Variants in GRIP1 observed in about 807,000 individuals in gnomAD.
GRIP1 encodes glutamate receptor-interacting protein 1.
A neutral mutation model predicts 129.9 loss-of-function variants in GRIP1; 45 were observed. The ratio of observed to expected loss-of-function variants is 0.35; its 90% CI spans 0.27 to 0.44. The LOEUF (loss-of-function observed/expected upper bound fraction) is 0.44, where lower values mean the gene tolerates loss of function less well. Among genes scored for constraint, GRIP1 ranks in the 20% least tolerant of loss-of-function variants. The pLI is 1.00. For synonymous variants in GRIP1, 530 were observed against 520.8 expected (o/e 1.02, Z -0.24); for missense variants, 1,196 against 1,396.8 (o/e 0.86, Z 2.29).
At chr12:66,932,439 C>T (rs148062662) in intron 1 of GRIP1, among the ~76,000 whole-genome samples, 1 of 152,258 alleles carries the variant, frequency 6.6e-6, no homozygotes, top group African/African-American at 2.4e-5. Flanking sequence ...CATACACCAG[C>T]TGCTTCAATA....
At chr12:66,460,745 A>G (rs1012057946) in intron 9 of GRIP1, among the ~76,000 whole-genome samples, 1 of 152,232 alleles carries the variant, frequency 6.6e-6, no homozygotes, top group African/African-American at 2.4e-5. Context: ...TTCAGGCATC[A>G]GAGATCTTGA....
intron 7 of GRIP1, among the ~76,000 whole-genome samples, chr12:66,487,923 A>G (rs1036517404): frequency 1.3e-5 from 2 of 152,204 alleles, no homozygotes; most frequent in African/African-American, 2.4e-5. Flanking sequence ...CAACAAGAAG[A>G]GCTAACTATC....
chr12:66,665,154 T>C (rs577438110), intron 1 of GRIP1, among the ~76,000 whole-genome samples: 5 of 152,110 alleles, frequency 3.3e-5, no homozygotes, highest in Non-Finnish European at 7.4e-5. Context: ...GTAACTGGCA[T>C]GCACCACCAC....
chr12:66,584,314 G>C (rs1439828072), intron 2 of GRIP1, among the ~76,000 whole-genome samples: 1 of 151,876 alleles, frequency 6.6e-6, no homozygotes, highest in Admixed American at 6.6e-5. Flanking sequence ...GCTAGATGAC[G>C]AGTTAGTGGG....
intron 1 of GRIP1, among the ~76,000 whole-genome samples, chr12:66,878,392 C>T (rs1348857490): frequency 1.3e-5 from 2 of 151,882 alleles, no homozygotes; most frequent in Admixed American, 6.6e-5. Context: ...AAAAGAAGAG[C>T]TTTCATAAGC....
chr12:66,505,914 C>T (rs2060514302), intron 7 of GRIP1, among the ~76,000 whole-genome samples: 1 of 152,106 alleles, frequency 6.6e-6, no homozygotes, highest in Non-Finnish European at 1.5e-5. Context: ...GACCATTTCA[C>T]AAAAATATCT....
intron 1 of GRIP1, among the ~76,000 whole-genome samples, chr12:66,790,700 G>A (rs952866994): frequency 2.6e-5 from 4 of 152,020 alleles, no homozygotes; most frequent in Admixed American, 2.0e-4. Flanking sequence ...AACATATTTG[G>A]GTAGGAGCTA....
At chr12:66,680,498 A>G (rs1005640584), upstream of GRIP1, among the ~76,000 whole-genome samples, 2 of 152,174 alleles carry the variant, frequency 1.3e-5, no homozygotes, top group African/African-American at 2.4e-5. Context: ...AATAGAAAAT[A>G]CTATATTAAA....
intron 1 of GRIP1, among the ~76,000 whole-genome samples, chr12:66,633,906 G>A (rs2031094719): frequency 6.6e-6 from 1 of 152,174 alleles, no homozygotes; most frequent in Non-Finnish European, 1.5e-5. Context: ...AAACAGTAAA[G>A]CTTCAAGTTC....
At chr12:66,776,910 A>G (rs1253276827) in intron 1 of GRIP1, among the ~76,000 whole-genome samples, 27 of 152,174 alleles carry the variant, frequency 1.8e-4, no homozygotes, top group Non-Finnish European at 4.4e-5. Flanking sequence ...AAAAATAGAC[A>G]TTGTAGCTGT....
intron 24 of GRIP1, 36 bp downstream of exon 24, chr12:66,353,381 A>C (rs748360187): frequency 2.0e-6 from 3 of 1,492,970 alleles, no homozygotes; most frequent in Admixed American, 3.3e-5. Flanking sequence ...GTGAGAAATT[A>C]CTTGCAAGGA....
In GRIP1 at chr12:66,663,020, T is replaced by C. The variant is rs563898220; in HGVS notation, c.55+15830A>G. Among the ~76,000 whole-genome samples, 4 of 152,290 alleles carry C rather than the reference T, an allele frequency of 2.6e-5. No individual in the cohort carries two copies. In the East Asian group the frequency reaches 7.7e-4, roughly 29 times the overall value. ...AATCAGTTTGGATAAGAATGCTTGT[T>C]TGACAGATCAAATTCTAATTCTAAA... On this transcript the variant is annotated intron_variant, in intron 1 of 24. Transcript: ENST00000359742.
intron 1 of GRIP1, among the ~76,000 whole-genome samples, chr12:66,728,709 C>T (rs2036333919): frequency 1.3e-5 from 2 of 152,106 alleles, no homozygotes; most frequent in Admixed American, 6.5e-5. Flanking sequence ...GAGAGTGTAA[C>T]CTATAGGCAA....
At chr12:66,550,203 G>A (rs546006806) in intron 2 of GRIP1, among the ~76,000 whole-genome samples, 3 of 152,094 alleles carry the variant, frequency 2.0e-5, no homozygotes, top group South Asian at 2.1e-4. Context: ...TAGTTTTCAC[G>A]GGTCTTAGTT....
chr12:66,769,861 T>A (rs1005644110), intron 1 of GRIP1, among the ~76,000 whole-genome samples: 1 of 152,234 alleles, frequency 6.6e-6, no homozygotes, highest in African/African-American at 2.4e-5. Flanking sequence ...CCCACCTTGC[T>A]GACACTCTCA....
At chr12:66,573,360 C>T (rs1299050424) in intron 2 of GRIP1, among the ~76,000 whole-genome samples, 3 of 152,084 alleles carry the variant, frequency 2.0e-5, no homozygotes, top group African/African-American at 4.8e-5. Flanking sequence ...CCAGATGAGC[C>T]GTGCCTAGAA....
At chr12:66,448,067 C>T (rs1383129456) in intron 11 of GRIP1, among the ~76,000 whole-genome samples, 1 of 152,164 alleles carries the variant, frequency 6.6e-6, no homozygotes, top group East Asian at 1.9e-4. Flanking sequence ...TTCATGCCTA[C>T]ATGTCTTCTG....
intron 1 of GRIP1, among the ~76,000 whole-genome samples, chr12:66,888,480 C>T (rs2040602968): frequency 1.3e-5 from 2 of 152,204 alleles, no homozygotes; most frequent in Non-Finnish European, 1.5e-5. Context: ...GTGCCTCAGG[C>T]TCCCAAGTAG....
intron 1 of GRIP1, among the ~76,000 whole-genome samples, chr12:66,912,153 AC>A (rs2041040888): frequency 1.3e-5 from 2 of 152,182 alleles, no homozygotes; most frequent in Non-Finnish European, 2.9e-5. Context: ...ATTTTATAAA[AC>A]ATAGGAGTAT....
Sources: gnomAD v4.1 joint callset for allele counts (sites outside exome capture counted in the v4.1 genomes callset) on GRCh38, gnomAD v4.1.1 for gene constraint, MANE v1.5 for transcripts, NCBI Gene and HGNC (gene_info 2026-07-23, HGNC 2026-07-21) for gene names.